Variants in CCDC157 observed in about 807,000 individuals in gnomAD.
The protein encoded by CCDC157 is coiled-coil domain containing 157.
Under a neutral mutation model 70.9 loss-of-function variants are expected in CCDC157, and 60 were observed. The observed-to-expected ratio is 0.85, with a 90% CI of 0.69 to 1.05. The LOEUF (loss-of-function observed/expected upper bound fraction) is 1.05. Among genes scored for constraint, CCDC157 ranks in the 50% least tolerant of loss-of-function variants. CCDC157 has a pLI of 0.00. For synonymous variants in CCDC157, 373 were observed against 422.4 expected (o/e 0.88, Z 1.43); for missense variants, 943 against 984.2 (o/e 0.96, Z 0.56).
chr22:30,364,166 A>AC (rs764797850), intron 2 of CCDC157, among the ~76,000 whole-genome samples: 3 of 151,990 alleles, frequency 2.0e-5, no homozygotes, highest in South Asian at 4.2e-4. Flanking sequence ...TCAAGATGTT[A>AC]CCCCCCCAAA....
Position 30,358,592 on chromosome 22 carries a change from G to C in CCDC157, c.-166+1460G>C, listed in dbSNP as rs776858125. Among the ~76,000 whole-genome samples the C allele has an allele frequency of 1.4e-3, 213 of 152,380 alleles. 1 individual carries two copies. Among genetic ancestry groups the C allele is most frequent in the Non-Finnish European group, 2.6e-3 (179 of 68,036 alleles). ...TCTCACCAGGCACCCTGGCTGGGAA[G>C]TAGGCATCATCTTTACCGAGTAGGG... On this transcript the variant is annotated intron_variant, in intron 1 of 11. Coordinates refer to ENST00000338306, the MANE Select transcript of CCDC157 (RefSeq NM_001017437.5).
chr22:30,373,776 G>A lies in CCDC157; in HGVS notation c.1503+12G>A, dbSNP rs1286326256. ...TCAGGGCCCAGCAGGTGAGGGTGGGGGTCTTCCTTTTTGCCAGAGAAGTCT... is the reference window on the plus strand; with the variant it reads ...TCAGGGCCCAGCAGGTGAGGGTGGGAGTCTTCCTTTTTGCCAGAGAAGTCT... On this transcript the variant is annotated intron_variant, in intron 8 of 11. Transcript: ENST00000338306. 1.3e-6 allele frequency: 2 copies of A among 1,544,198 alleles called. No homozygotes were observed. The highest frequency in any genetic ancestry group is 2.4e-5 in the East Asian group (1 of 41,234).
At chr22:30,356,665 CTG>C, upstream of CCDC157, 1 of 1,269,314 alleles carries the variant, frequency 7.9e-7, no homozygotes, top group Non-Finnish European at 1.1e-6. Context: ...CCGCTTATTC[CTG>C]TGCGAGTAAG....
intron 7 of CCDC157, chr22:30,373,088 A>T (rs997867539): frequency 1.2e-4 from 18 of 155,726 alleles, no homozygotes; most frequent in Non-Finnish European, 2.3e-4. Flanking sequence ...ATGAGGAAAC[A>T]GCCTTATTGA....
At chr22:30,374,701 G>A in intron 9 of CCDC157, 1 of 456,760 alleles carries the variant, frequency 2.2e-6, no homozygotes. Flanking sequence ...CACCTTGTGA[G>A]GCAGGTCATA....
At chr22:30,356,662 T>G (rs933220610), upstream of CCDC157, 6 of 1,244,418 alleles carry the variant, frequency 4.8e-6, no homozygotes, top group African/African-American at 1.6e-5. Flanking sequence ...CGGCCGCTTA[T>G]TCCTGTGCGA....
intron 3 of CCDC157, chr22:30,369,009 G>A (rs1260899422): frequency 6.5e-6 from 1 of 153,886 alleles, no homozygotes; most frequent in African/African-American, 2.4e-5. Context: ...CCCTATCAAT[G>A]TGTGTCTGTG....
upstream of CCDC157, chr22:30,356,982 C>G (rs1931917163): frequency 2.2e-6 from 1 of 458,986 alleles, no homozygotes; most frequent in South Asian, 1.1e-4. Context: ...CGCCCCTCCC[C>G]GCGGGCACCG....
chr22:30,367,119 A>G (rs1932767854), intron 3 of CCDC157: 1 of 151,840 alleles, frequency 6.6e-6, no homozygotes, highest in Admixed American at 6.6e-5. Context: ...GGTGGCTGAC[A>G]CTTGTAATCC....
chr22:30,357,740 C>G (rs1042912425), intron 1 of CCDC157, among the ~76,000 whole-genome samples: 1 of 149,812 alleles, frequency 6.7e-6, no homozygotes, highest in Non-Finnish European at 1.5e-5. Flanking sequence ...TGGTCTGGAA[C>G]TCCTGACCTC....
Position 30,376,110 on chromosome 22 carries a change from AG to A in CCDC157, c.1858-147del. 3 of 665,254 alleles carry A rather than the reference AG, an allele frequency of 4.5e-6. No homozygotes were observed. In the South Asian group the frequency reaches 5.8e-5, roughly 13 times the overall value. The allele number at this position is 665,254 out of a possible 1,614,324, so 41.2% of individuals were successfully genotyped here. A position where few individuals can be genotyped will look rare whatever the true frequency, so the allele number is the denominator to read the frequency against. ...TCTGCAGCTGAGAATAGGCCCTGGA[AG>A]GCTTCCTAGGCCCTGCCCCTAGGTG... On this transcript the variant is annotated intron_variant, in intron 10 of 11. Transcript: ENST00000338306.
At chr22:30,359,337 T>C (rs1332749563) in intron 1 of CCDC157, among the ~76,000 whole-genome samples, 1 of 152,232 alleles carries the variant, frequency 6.6e-6, no homozygotes, top group Non-Finnish European at 1.5e-5. Flanking sequence ...GATGTGGGCA[T>C]GTGTGTTGTG....
At chr22:30,375,252 C>T (rs1331343471) in intron 9 of CCDC157, 6 of 492,532 alleles carry the variant, frequency 1.2e-5, no homozygotes, top group South Asian at 4.9e-5. Context: ...CCACCGCGCC[C>T]GGCCTTGCTA....
rs1268870564 is a variant in CCDC157 at position 30,376,451 on chromosome 22, C to A, written c.1965C>A (p.His655Gln). Residue 655 changes from histidine to glutamine, a missense_variant, in exon 12 of 12, where the codon CAC (histidine) becomes CAA (glutamine). Transcript: ENST00000338306. The part of the protein sequence containing the change: ...STSPGPLGRQ[H>Q]LPSSRTGRTL... ...CCTTCAGGCCTCTGGGCAGACAGCA[C>A]CTTCCTAGCAGCAGGACGGGTAGGA... 2 of 1,613,950 alleles carry A rather than the reference C, an allele frequency of 1.2e-6. No homozygotes were observed. The highest frequency in any genetic ancestry group is 1.7e-6 in the Non-Finnish European group (2 of 1,179,922).
At position 30,376,789 on chromosome 22, in the gene CCDC157, C is replaced by T. The variant is rs1468270716; in HGVS notation, c.*44C>T. On this transcript the variant is annotated 3_prime_UTR_variant, in exon 12 of 12. Transcript: ENST00000338306. ...GGCTGGATGGGAGGTGGCTGGCAGC[C>T]CACCCACTGTAATAAAGCCCCAGCC... The T allele has an allele frequency of 3.8e-6, 6 of 1,561,376 alleles. No homozygotes were observed. In the East Asian group the frequency reaches 1.1e-4, roughly 30 times the overall value.
chr22:30,368,428 A>T (rs985415873), intron 3 of CCDC157, among the ~76,000 whole-genome samples: 2 of 152,196 alleles, frequency 1.3e-5, no homozygotes, highest in African/African-American at 4.8e-5. Flanking sequence ...TGTAGCATTG[A>T]GCTGCTCAGT....
chr22:30,356,906 G>T, upstream of CCDC157: 9 of 945,934 alleles, frequency 9.5e-6, no homozygotes, highest in Non-Finnish European at 1.3e-5. Context: ...GCGGCCGAGC[G>T]AGTTGCGGCC....
intron 5 of CCDC157, 108 bp downstream of exon 5, chr22:30,371,058 C>T: frequency 1.5e-6 from 2 of 1,365,038 alleles, no homozygotes; most frequent in Non-Finnish European, 2.0e-6. Context: ...TGTGGAAGAA[C>T]CCAGGCTGGG....
chr22:30,375,411 T>A, intron 9 of CCDC157, 68 bp from the exon 10 acceptor site: 1 of 1,507,342 alleles, frequency 6.6e-7, no homozygotes, highest in African/African-American at 1.4e-5. Flanking sequence ...CACAGCTCCT[T>A]TGTGCCTCCA....
Sources: allele counts gnomAD v4.1 joint callset (sites outside exome capture counted in the v4.1 genomes callset), GRCh38; gene constraint gnomAD v4.1.1; transcripts MANE v1.5; gene names NCBI Gene and HGNC (gene_info 2026-07-23, HGNC 2026-07-21).